The following GALNTL6 variants were observed in gnomAD, a reference collection of about 807,000 sequenced individuals.
GALNTL6 encodes the protein polypeptide N-acetylgalactosaminyltransferase like 6.
In GALNTL6, 46 loss-of-function variants were observed where a neutral mutation model predicts 73.7. The ratio of observed to expected loss-of-function variants is 0.62; its 90% CI spans 0.49 to 0.80. The LOEUF is 0.80. Ranked by LOEUF, GALNTL6 falls within the 30% of genes least tolerant of loss-of-function variation. The probability of loss-of-function intolerance (pLI) is 0.00; values close to 1 mark genes in which losing one functional copy is unlikely to be tolerated. For missense variants in GALNTL6, 604 were observed against 755.0 expected, an observed-to-expected ratio of 0.80 and a Z score of 2.34; for synonymous variants, 259 against 263.7, an observed-to-expected ratio of 0.98 and a Z score of 0.17.
At chr4:171,928,190 A>C (rs993685523) in intron 2 of GALNTL6, among the ~76,000 whole-genome samples, 1 of 152,238 alleles carries the variant, frequency 6.6e-6, no homozygotes, top group African/African-American at 2.4e-5. Flanking sequence ...ATATGTGAGA[A>C]GTGTTTAGTG....
At position 172,514,699 on chromosome 4, in the gene GALNTL6, G is replaced by A. The variant is rs369765181; in HGVS notation, c.553+166010G>A. Among the ~76,000 whole-genome samples, 6 of 152,236 alleles carry A rather than the reference G, an allele frequency of 3.9e-5. No homozygotes were observed. In the South Asian group the frequency reaches 1.0e-3, roughly 26 times the overall value. On this transcript the variant is annotated intron_variant, in intron 5 of 12. Transcript: ENST00000506823. ...GTCTTTCCCCAGTTCCACTGGCAAC[G>A]CTCCCCAAGGGCCCCTGTGAGATAC...
intron 2 of GALNTL6, among the ~76,000 whole-genome samples, chr4:171,997,373 T>A (rs192134058): frequency 6.6e-6 from 1 of 152,150 alleles, no homozygotes; most frequent in Admixed American, 6.6e-5. Flanking sequence ...TTCTCCTTGA[T>A]TTACGATGGG....
chr4:172,916,279 C>A (rs536983267), intron 8 of GALNTL6, among the ~76,000 whole-genome samples: 2 of 152,288 alleles, frequency 1.3e-5, no homozygotes, highest in Admixed American at 1.3e-4. Context: ...GACAAACCCA[C>A]AGCCAATATC....
intron 2 of GALNTL6, among the ~76,000 whole-genome samples, chr4:171,852,897 A>G (rs1353749045): frequency 6.6e-6 from 1 of 151,896 alleles, no homozygotes; most frequent in African/African-American, 2.4e-5. Context: ...CCCAGGCTGG[A>G]ATGCAGTGGC....
At chr4:171,851,200 C>G (rs1483256244) in intron 2 of GALNTL6, among the ~76,000 whole-genome samples, 1 of 152,148 alleles carries the variant, frequency 6.6e-6, no homozygotes, top group Non-Finnish European at 1.5e-5. Flanking sequence ...TAAGTTCATA[C>G]TCTGCTTTAC....
intron 10 of GALNTL6, among the ~76,000 whole-genome samples, chr4:172,968,583 G>C (rs926580434): frequency 6.6e-6 from 1 of 152,172 alleles, no homozygotes; most frequent in Non-Finnish European, 1.5e-5. Flanking sequence ...AAGCCAGCAA[G>C]ACAAAAGCTT....
intron 2 of GALNTL6, among the ~76,000 whole-genome samples, chr4:172,131,017 T>C (rs2111017811): frequency 6.6e-6 from 1 of 152,200 alleles, no homozygotes; most frequent in African/African-American, 2.4e-5. Context: ...TCTGGAGATC[T>C]TGAAGATGAG....
intron 2 of GALNTL6, among the ~76,000 whole-genome samples, chr4:171,910,697 T>C (rs1426647545): frequency 6.6e-6 from 1 of 152,158 alleles, no homozygotes; most frequent in Non-Finnish European, 1.5e-5. Flanking sequence ...ATCAGACTTA[T>C]ACTTCTTATG....
intron 5 of GALNTL6, among the ~76,000 whole-genome samples, chr4:172,690,458 T>C (rs1265724629): frequency 6.6e-6 from 1 of 152,190 alleles, no homozygotes; most frequent in African/African-American, 2.4e-5. Context: ...TCATGTCAAT[T>C]TGTAATTGAG....
Position 172,061,036 on chromosome 4 carries a change from G to A in GALNTL6, c.139-168620G>A, listed in dbSNP as rs559247021. Among the ~76,000 whole-genome samples the A allele has an allele frequency of 5.9e-5, 9 of 152,158 alleles. No individual in the cohort carries two copies. In the South Asian group the frequency reaches 1.0e-3, roughly 18 times the overall value. On this transcript the variant is annotated intron_variant, in intron 2 of 12. Transcript: ENST00000506823. ...AAAAAAACAACAATCTTTCTAATTA[G>A]CCATGAAGAAAATACACATACATAT...
intron 7 of GALNTL6, among the ~76,000 whole-genome samples, chr4:172,868,150 G>A (rs995684818): frequency 6.6e-6 from 1 of 152,070 alleles, no homozygotes; most frequent in African/African-American, 2.4e-5. Flanking sequence ...AGAAACCAGG[G>A]GTGACCTGGT....
chr4:172,720,142 T>G (rs1735374250), intron 5 of GALNTL6, among the ~76,000 whole-genome samples: 1 of 152,156 alleles, frequency 6.6e-6, no homozygotes, highest in Non-Finnish European at 1.5e-5. Context: ...CATCTGGAAA[T>G]GCAGCTCCGT....
chr4:172,268,526 C>T (rs1417778557), intron 3 of GALNTL6, among the ~76,000 whole-genome samples: 1 of 152,198 alleles, frequency 6.6e-6, no homozygotes, highest in East Asian at 1.9e-4. Context: ...CTGGGCAAAG[C>T]ACTTCTCTTC....
At chr4:171,838,106 G>A (rs1394725297) in intron 2 of GALNTL6, among the ~76,000 whole-genome samples, 1 of 133,972 alleles carries the variant, frequency 7.5e-6, no homozygotes, top group Non-Finnish European at 1.6e-5. Flanking sequence ...CATTGTTTCT[G>A]TCTATTTATT....
chr4:172,332,353 A>G (rs1458733368), intron 4 of GALNTL6, among the ~76,000 whole-genome samples: 2 of 152,096 alleles, frequency 1.3e-5, no homozygotes, highest in Non-Finnish European at 2.9e-5. Context: ...TACATTTTTA[A>G]GCATAGGCAC....
chr4:172,002,903 T>C (rs1434239128), intron 2 of GALNTL6, among the ~76,000 whole-genome samples: 2 of 152,108 alleles, frequency 1.3e-5, no homozygotes, highest in Non-Finnish European at 2.9e-5. Flanking sequence ...TTTCAAAACC[T>C]TATATTGTGA....
intron 3 of GALNTL6, among the ~76,000 whole-genome samples, chr4:172,295,531 G>GTTTTT (rs58721038): frequency 6.8e-5 from 5 of 73,122 alleles, no homozygotes; most frequent in African/African-American, 1.2e-4. Flanking sequence ...CTTTTTTTAG[G>GTTTTT]TTTTTTTTTT....
At chr4:172,486,367 CT>C (rs1733667398) in intron 5 of GALNTL6, among the ~76,000 whole-genome samples, 1 of 152,252 alleles carries the variant, frequency 6.6e-6, no homozygotes, top group Admixed American at 6.5e-5. Context: ...ATTTATTAAG[CT>C]TCCTAGAGAG....
intron 2 of GALNTL6, among the ~76,000 whole-genome samples, chr4:171,949,741 A>T (rs1031713271): frequency 2.6e-5 from 4 of 152,222 alleles, no homozygotes; most frequent in African/African-American, 9.6e-5. Flanking sequence ...TGAGTAAGTT[A>T]AGTAGTTGAT....
Sources: gnomAD v4.1 joint callset for allele counts (sites outside exome capture counted in the v4.1 genomes callset) on GRCh38, gnomAD v4.1.1 for gene constraint, MANE v1.5 for transcripts, NCBI Gene and HGNC (gene_info 2026-07-23, HGNC 2026-07-21) for gene names.